Variants in VHL observed in about 807,000 individuals in gnomAD.
The protein encoded by VHL is von Hippel-Lindau tumor suppressor.
Under a neutral mutation model 19.2 loss-of-function variants are expected in VHL, and 10 were observed. The ratio of observed to expected loss-of-function variants is 0.52; its 90% confidence interval spans 0.32 to 0.89. VHL has a LOEUF of 0.89. VHL is among the 40% of genes least tolerant of loss of function. The pLI is 0.03. For missense variants in VHL, 328 were observed against 292.7 expected, an observed-to-expected ratio of 1.12 and a Z score of -0.88; for synonymous variants, 167 against 129.5, an observed-to-expected ratio of 1.29 and a Z score of -1.97.
chr3:10,146,250 G>A (rs552138012), intron 1 of VHL, among the ~76,000 whole-genome samples: 2 of 149,262 alleles, frequency 1.3e-5, no homozygotes, highest in Admixed American at 6.8e-5. Flanking sequence ...CTCGGCTCAC[G>A]GCAAGCTCCA....
chr3:10,146,727 G>C (rs1426087031), intron 2 of VHL, 91 bp downstream of exon 2: 1 of 1,564,016 alleles, frequency 6.4e-7, no homozygotes, highest in Non-Finnish European at 8.8e-7. Context: ...CTCAATTTTT[G>C]CCTGATGTCA....
At position 10,150,362 on chromosome 3, in the gene VHL, G is replaced by A. The variant is rs555288791; in HGVS notation, c.*397G>A. 22 of 1,224,964 alleles carry A rather than the reference G, an allele frequency of 1.8e-5. No individual in the cohort carries two copies. The highest frequency in any genetic ancestry group is 9.1e-5 in the African/African-American group (6 of 65,614). The allele number at this position is 1,224,964 out of a possible 1,614,324, so 75.9% of individuals were successfully genotyped here. A position where few individuals can be genotyped will look rare whatever the true frequency, so the allele number is the denominator to read the frequency against. ...AATACATCCATTCTACATCCGTAGC[G>A]GTTGGTGACTTGTCTGCCTCCTGCT... On this transcript the variant is annotated 3_prime_UTR_variant, in exon 3 of 3. Transcript: ENST00000256474.
At position 10,142,176 on chromosome 3, in the gene VHL, A is replaced by G. The variant is rs2125125380; in HGVS notation, c.329A>G (p.His110Arg). 1.9e-6 allele frequency: 3 copies of G among 1,598,332 alleles called. No individual in the cohort carries two copies. The highest frequency in any genetic ancestry group is 4.5e-5 in the East Asian group (2 of 44,830). The change falls in exon 1 of 3, where the codon CAC (histidine) becomes CGC (arginine). Residue 110 changes from histidine to arginine, a missense_variant. Physicochemically the swap from His to Arg is conservative, Grantham distance 29 (BLOSUM62 0). Transcript: ENST00000256474. ...CCGCCTGGCACGGGCCGCCGCATCC[A>G]CAGCTACCGAGGTACGGGCCCGGCG... ...TLPPGTGRRIHSYRGHLWLFR... is the reference protein window; with the variant it reads ...TLPPGTGRRIRSYRGHLWLFR...
chr3:10,145,574 C>T (rs777355462), intron 1 of VHL, among the ~76,000 whole-genome samples: 1 of 151,798 alleles, frequency 6.6e-6, no homozygotes, highest in Non-Finnish European at 1.5e-5. Context: ...GGCGTGGTGG[C>T]GGGCACCTGT....
At position 10,153,135 on chromosome 3, in the gene VHL, G is replaced by A. The variant is rs534034008; in HGVS notation, c.*3170G>A. On this transcript the variant is annotated 3_prime_UTR_variant, in exon 3 of 3. Transcript: ENST00000256474. ...TATTAAAAAATAGAAAAAATTAGGC[G>A]GGCGTGGTGGTGAGCGCCTGTAGTC... Among the ~76,000 whole-genome samples, 17 of 152,238 alleles carry A rather than the reference G, an allele frequency of 1.1e-4. No homozygotes were observed. The South Asian group carries it at 3.3e-3, about 30-fold the overall frequency.
Position 10,152,369 on chromosome 3 carries a change from C to CAA in VHL, c.*2418_*2419dup, listed in dbSNP as rs564788050. 3.3e-3 allele frequency: 361 copies of CAA among 108,128 alleles called. 7 individuals carry two copies. In the South Asian group the frequency reaches 0.075, roughly 22 times the overall value. The allele number at this position is 108,128 out of a possible 1,614,324, so 6.7% of individuals were successfully genotyped here. ...GTGTGACAGAGCAATACTCTTGTCTCAAAAAAAAAAAAAAATTCAAATCAG... is the reference window on the plus strand; with the variant it reads ...GTGTGACAGAGCAATACTCTTGTCTCAAAAAAAAAAAAAAAAATTCAAATCAG... On this transcript the variant is annotated 3_prime_UTR_variant, in exon 3 of 3. Transcript: ENST00000256474.
rs142396182 is a variant in VHL, at chr3:10,150,781, G to A, written c.*816G>A. ...AAAATACGAGAAAATCTGCATGTTT[G>A]ATTATAGTATTAATGGACAAATAAG... On this transcript the variant is annotated 3_prime_UTR_variant, in exon 3 of 3. Coordinates refer to ENST00000256474, the MANE Select transcript of VHL (RefSeq NM_000551.4). 1 of 233,070 alleles carries A rather than the reference G, an allele frequency of 4.3e-6. No individual in the cohort carries two copies. The highest frequency in any genetic ancestry group is 8.5e-6 in the Non-Finnish European group (1 of 118,046). 14.4% of individuals were successfully genotyped at this position (233,070 alleles called of 1,614,324 possible).
rs1266903436 is a variant in VHL, at chr3:10,151,507, C to T, written c.*1542C>T. Reference sequence around the variant, plus strand: ...CCCTATTAGATACACTTCTTAAATACAATCACATTAACATTTTGAGCTATT... The same window carrying T: ...CCCTATTAGATACACTTCTTAAATATAATCACATTAACATTTTGAGCTATT... On this transcript the variant is annotated 3_prime_UTR_variant, in exon 3 of 3. Coordinates refer to ENST00000256474, the MANE Select transcript of VHL (RefSeq NM_000551.4). 1 of 225,998 alleles carries T rather than the reference C, an allele frequency of 4.4e-6. No individual in the cohort carries two copies. The highest frequency in any genetic ancestry group is 8.8e-6 in the Non-Finnish European group (1 of 113,740). The allele number at this position is 225,998 out of a possible 1,614,324, so 14.0% of individuals were successfully genotyped here. A position where few individuals can be genotyped will look rare whatever the true frequency, so the allele number is the denominator to read the frequency against.
chr3:10,146,356 A>G (rs977948141), intron 1 of VHL, among the ~76,000 whole-genome samples, 158 bp from the exon 2 acceptor site: 2 of 151,962 alleles, frequency 1.3e-5, no homozygotes, highest in East Asian at 1.9e-4. Flanking sequence ...TTGTATTTTT[A>G]GTAGAGACGA....
Position 10,151,162 on chromosome 3 carries a change from G to A in VHL, c.*1197G>A, listed in dbSNP as rs1160689698. On this transcript the variant is annotated 3_prime_UTR_variant, in exon 3 of 3. Coordinates refer to ENST00000256474, the MANE Select transcript of VHL (RefSeq NM_000551.4). ...CCCAAAATGGTGGGATTACAGGTGT[G>A]TGGGCCACCGTGCCTGGCTGATTCA... The A allele has an allele frequency of 5.2e-6, 1 of 192,444 alleles. No individual in the cohort carries two copies. The highest frequency in any genetic ancestry group is 8.3e-5 in the East Asian group (1 of 12,020). The allele number at this position is 192,444 out of a possible 1,614,324, so 11.9% of individuals were successfully genotyped here.
rs922231519 is a variant in VHL, at chr3:10,152,902, G to A, written c.*2937G>A. 6.6e-6 allele frequency among the ~76,000 whole-genome samples: 1 copy of A among 152,190 alleles called. No homozygotes were observed. Among genetic ancestry groups the A allele is most frequent in the African/African-American group, 2.4e-5 (1 of 41,546 alleles). The stretch of plus-strand genomic sequence containing the variant: ...TCATGCCTGTAATCCCAGCATTTTG[G>A]GAGACCAAGGCGGATGGATCACCTG... On this transcript the variant is annotated 3_prime_UTR_variant, in exon 3 of 3. Coordinates refer to ENST00000256474, the MANE Select transcript of VHL (RefSeq NM_000551.4).
intron 1 of VHL, among the ~76,000 whole-genome samples, chr3:10,145,121 G>A (rs768802298): frequency 4.6e-5 from 7 of 152,264 alleles, no homozygotes; most frequent in Middle Eastern, 3.4e-3. Context: ...TTGAACCTGG[G>A]AGGCGGAGGT....
intron 1 of VHL, among the ~76,000 whole-genome samples, chr3:10,144,514 T>TTTTTTTG (rs1696206765): frequency 6.7e-6 from 1 of 148,678 alleles, no homozygotes; most frequent in South Asian, 2.1e-4. Flanking sequence ...TTTTTTTTTT[T>TTTTTTTG]GAGACAGGAT....
rs1696439660 is a variant in VHL at position 10,152,542 on chromosome 3, G to C, written c.*2577G>C. Among the ~76,000 whole-genome samples, 1 of 123,870 alleles carries C rather than the reference G, an allele frequency of 8.1e-6. No homozygotes were observed. The highest frequency in any genetic ancestry group is 1.6e-5 in the Non-Finnish European group (1 of 62,880). The allele number at this position is 123,870 out of a possible 152,430, so 81.3% of individuals were successfully genotyped here. The stretch of plus-strand genomic sequence containing the variant: ...GAGTCTCACTCTGTTGCCCAGGCTG[G>C]AGTGCAGTGGTGCGATCTCTGCTCA... On this transcript the variant is annotated 3_prime_UTR_variant, in exon 3 of 3. Transcript: ENST00000256474.
rs569579160 is a variant in VHL at position 10,151,216 on chromosome 3, C to T, written c.*1251C>T. 11 of 202,480 alleles carry T rather than the reference C, an allele frequency of 5.4e-5. No individual in the cohort carries two copies. In the East Asian group the frequency reaches 6.1e-4, roughly 11 times the overall value. The allele number at this position is 202,480 out of a possible 1,614,324, so 12.5% of individuals were successfully genotyped here. On this transcript the variant is annotated 3_prime_UTR_variant, in exon 3 of 3. Coordinates refer to ENST00000256474, the MANE Select transcript of VHL (RefSeq NM_000551.4). ...TTTTTTATCAGGCAGGACCAGGTGG[C>T]ACTTCCACCTCCAGCCTCTGGTCCT... is the stretch of plus-strand genomic sequence containing the variant.
In VHL at chr3:10,153,005, G is replaced by A. The variant is rs923804041; in HGVS notation, c.*3040G>A. On this transcript the variant is annotated 3_prime_UTR_variant, in exon 3 of 3. Coordinates refer to ENST00000256474, the MANE Select transcript of VHL (RefSeq NM_000551.4). ...TTAAAATACAAAAATTGCCGGCCGC[G>A]GCGGCTCATGCCTGTAATCCCAGCA... Among the ~76,000 whole-genome samples the A allele has an allele frequency of 2.0e-5, 3 of 151,430 alleles. No individual in the cohort carries two copies. Among genetic ancestry groups the A allele is most frequent in the African/African-American group, 4.8e-5 (2 of 41,248 alleles).
At chr3:10,146,775 C>A in intron 2 of VHL, 139 bp downstream of exon 2, 1 of 1,152,730 alleles carries the variant, frequency 8.7e-7, no homozygotes, top group Non-Finnish European at 1.3e-6. Context: ...TATTCTCTAC[C>A]ATAAATAAAA....
chr3:10,143,428 C>T (rs1291999630), intron 1 of VHL, among the ~76,000 whole-genome samples: 1 of 151,942 alleles, frequency 6.6e-6, no homozygotes, highest in African/African-American at 2.4e-5. Flanking sequence ...TGCGCCCAGC[C>T]CTTTGAAAGT....
chr3:10,142,161 C>T lies in VHL; in HGVS notation c.314C>T (p.Thr105Met), dbSNP rs761240835. The stretch of plus-strand genomic sequence containing the variant: ...CCCTACCCAACGCTGCCGCCTGGCA[C>T]GGGCCGCCGCATCCACAGCTACCGA... ...PQPYPTLPPGTGRRIHSYRGH... is the reference protein window; with the variant it reads ...PQPYPTLPPGMGRRIHSYRGH... Residue 105 changes from threonine to methionine, a missense_variant, in exon 1 of 3, where the codon ACG becomes ATG. Coordinates refer to ENST00000256474, the MANE Select transcript of VHL (RefSeq NM_000551.4). 2 of 1,598,096 alleles carry T rather than the reference C, an allele frequency of 1.3e-6. No homozygotes were observed. Among genetic ancestry groups the T allele is most frequent in the South Asian group, 1.1e-5 (1 of 90,980 alleles).
Sources: allele counts gnomAD v4.1 joint callset (sites outside exome capture counted in the v4.1 genomes callset), GRCh38; gene constraint gnomAD v4.1.1; transcripts MANE v1.5; gene names NCBI Gene and HGNC (gene_info 2026-07-23, HGNC 2026-07-21).